PARP8: variants seen among roughly 807,000 people sequenced by gnomAD.
PARP8 encodes protein mono-ADP-ribosyltransferase PARP8.
PARP8 carries 51 observed loss-of-function variants against 124.1 expected under a neutral mutation model. The ratio of observed to expected loss-of-function variants is 0.41; its 90% CI spans 0.33 to 0.52. The LOEUF (loss-of-function observed/expected upper bound fraction) is 0.52. Ranked by LOEUF, PARP8 falls within the 20% of genes least tolerant of loss-of-function variation. The pLI, the probability that PARP8 is intolerant of heterozygous loss-of-function variation, is 0.21. For missense variants in PARP8, 860 were observed against 1,018.9 expected, an observed-to-expected ratio of 0.84 and a Z score of 2.12; for synonymous variants, 391 against 361.5, an observed-to-expected ratio of 1.08 and a Z score of -0.93.
rs532046556 is a variant in PARP8 at position 50,752,744 on chromosome 5, C to T, written c.184+2556C>T. On this transcript the variant is annotated intron_variant, in intron 3 of 25. Coordinates refer to ENST00000281631, the MANE Select transcript of PARP8 (RefSeq NM_024615.4). ...CTTTCTAATAATATACCTTAGGCTT[C>T]CCCTCTGCCTACTTTTCCTGGATTA... 6.6e-5 allele frequency among the ~76,000 whole-genome samples: 10 copies of T among 152,146 alleles called. No homozygotes were observed. The South Asian group carries it at 1.5e-3, about 22-fold the overall frequency.
chr5:50,836,609 T>TG (rs1472703973), intron 25 of PARP8, among the ~76,000 whole-genome samples: 1 of 152,108 alleles, frequency 6.6e-6, no homozygotes, highest in African/African-American at 2.4e-5. Flanking sequence ...GTCAGGCTCC[T>TG]GGGGCAGAAC....
At chr5:50,729,823 CAT>C (rs1756800750) in intron 2 of PARP8, among the ~76,000 whole-genome samples, 1 of 152,096 alleles carries the variant, frequency 6.6e-6, no homozygotes, top group Admixed American at 6.6e-5. Context: ...TAAAAATACT[CAT>C]TGGTTTTAAA....
At chr5:50,820,886 C>T (rs1180930726) in intron 15 of PARP8, among the ~76,000 whole-genome samples, 2 of 152,168 alleles carry the variant, frequency 1.3e-5, no homozygotes, top group South Asian at 2.1e-4. Flanking sequence ...GTATCTTCTC[C>T]CCTAGACTAT....
chr5:50,825,112 C>G, intron 18 of PARP8, 137 bp downstream of exon 18: 1 of 704,652 alleles, frequency 1.4e-6, no homozygotes, highest in Admixed American at 2.7e-5. Context: ...CTTATGAGAC[C>G]TGGTGATTTT....
intron 9 of PARP8, among the ~76,000 whole-genome samples, chr5:50,783,773 C>A (rs572528386): frequency 6.6e-6 from 1 of 152,130 alleles, no homozygotes; most frequent in South Asian, 2.1e-4. Context: ...ATTTCAATTG[C>A]GTGGCTCTAC....
intron 2 of PARP8, among the ~76,000 whole-genome samples, chr5:50,739,407 G>T (rs1757796627): frequency 6.6e-6 from 1 of 151,648 alleles, no homozygotes; most frequent in Admixed American, 6.6e-5. Flanking sequence ...TGGGGGTGGG[G>T]AGGGAGTTGA....
rs955772089 is a variant in PARP8 at position 50,842,991 on chromosome 5, TTATTTACTACA to T, written c.*924_*934del. ...AATTTAAAGAAACCATATATATTTT[TTATTTACTACA>T]AAAAAATTATACAATTTTATTTATG... On this transcript the variant is annotated 3_prime_UTR_variant, in exon 26 of 26. Coordinates refer to ENST00000281631, the MANE Select transcript of PARP8 (RefSeq NM_024615.4). 1 of 151,726 alleles carries T rather than the reference TTATTTACTACA, an allele frequency of 6.6e-6. No individual in the cohort carries two copies. Among genetic ancestry groups the T allele is most frequent in the African/African-American group, 2.4e-5 (1 of 41,384 alleles). 9.4% of individuals were successfully genotyped at this position (151,726 alleles called of 1,614,324 possible). A position where few individuals can be genotyped will look rare whatever the true frequency, so the allele number is the denominator to read the frequency against.
chr5:50,786,937 GT>G (rs938537120), intron 9 of PARP8, among the ~76,000 whole-genome samples: 1 of 151,818 alleles, frequency 6.6e-6, no homozygotes, highest in African/African-American at 2.4e-5. Context: ...CCTTCTTAAC[GT>G]TTCCATTTTA....
intron 2 of PARP8, among the ~76,000 whole-genome samples, chr5:50,676,604 A>G (rs1252994835): frequency 6.6e-6 from 1 of 152,206 alleles, no homozygotes; most frequent in Non-Finnish European, 1.5e-5. Context: ...AAATTCGGTC[A>G]CTTTGACTGC....
chr5:50,811,184 C>A (rs78661143), intron 14 of PARP8, among the ~76,000 whole-genome samples: 38 of 152,108 alleles, frequency 2.5e-4, no homozygotes, highest in Admixed American at 1.3e-3. Flanking sequence ...GTAATCAAAT[C>A]ATAGCTTCAT....
At chr5:50,690,532 C>G (rs1752382064) in intron 2 of PARP8, among the ~76,000 whole-genome samples, 1 of 152,142 alleles carries the variant, frequency 6.6e-6, no homozygotes, top group African/African-American at 2.4e-5. Flanking sequence ...TGAAGTCTTC[C>G]AACTAACCCT....
At chr5:50,811,283 A>G (rs961193506) in intron 14 of PARP8, among the ~76,000 whole-genome samples, 1 of 152,116 alleles carries the variant, frequency 6.6e-6, no homozygotes, top group African/African-American at 2.4e-5. Flanking sequence ...TGGAATATAA[A>G]CAGACCAGGG....
chr5:50,762,621 T>C (rs923596202), intron 6 of PARP8, among the ~76,000 whole-genome samples: 9 of 152,154 alleles, frequency 5.9e-5, no homozygotes, highest in African/African-American at 2.2e-4. Context: ...TGCAAGTAAA[T>C]TTATTTATTC....
In PARP8 at chr5:50,824,967, A is replaced by G; in HGVS notation, c.1920A>G (p.Leu640=). 1.2e-6 allele frequency: 2 copies of G among 1,610,336 alleles called. No homozygotes were observed. Among genetic ancestry groups the G allele is most frequent in the Non-Finnish European group, 8.5e-7 (1 of 1,176,790 alleles). ...AACAGGACCCCCTTGCTCATCCCTT[A>G]CTGCAATGGTATAAAATTCTAGTTT... is the stretch of plus-strand genomic sequence containing the variant. ...MDKQDPLAHP[L]LQWVISSNRS... is the part of the protein sequence containing the mutation. The change falls in exon 18 of 26, where the codon TTA becomes TTG. Residue 640 remains leucine, a synonymous_variant. Transcript: ENST00000281631.
intron 7 of PARP8, among the ~76,000 whole-genome samples, chr5:50,771,161 C>T (rs976633596): frequency 2.7e-5 from 4 of 149,528 alleles, no homozygotes; most frequent in Admixed American, 2.7e-4. Context: ...TATATATATT[C>T]ATTTATTTAT....
chr5:50,785,360 C>G (rs750392971), intron 9 of PARP8, among the ~76,000 whole-genome samples: 1 of 152,106 alleles, frequency 6.6e-6, no homozygotes, highest in Non-Finnish European at 1.5e-5. Flanking sequence ...CCTTCTTTCT[C>G]TCTTTCTACA....
intron 2 of PARP8, among the ~76,000 whole-genome samples, chr5:50,670,827 A>G (rs1749924030): frequency 6.6e-6 from 1 of 152,246 alleles, no homozygotes; most frequent in African/African-American, 2.4e-5. Flanking sequence ...CAGACACTTT[A>G]CCATCAAAAA....
chr5:50,799,440 G>T (rs1314412348), intron 14 of PARP8, among the ~76,000 whole-genome samples: 1 of 152,126 alleles, frequency 6.6e-6, no homozygotes, highest in African/African-American at 2.4e-5. Flanking sequence ...CTGTCCTTAG[G>T]CCAGTACCAC....
chr5:50,788,300 G>GTATACAATATAATGTATAATATATAT (rs1554061884), intron 9 of PARP8, among the ~76,000 whole-genome samples: 12 of 146,596 alleles, frequency 8.2e-5, no homozygotes, highest in African/African-American at 2.8e-4. Flanking sequence ...AATGTATAAT[G>GTATACAATATAATGTATAATATATAT]TATACAATAT....
Sources: gnomAD v4.1 joint callset for allele counts (sites outside exome capture counted in the v4.1 genomes callset) on GRCh38, gnomAD v4.1.1 for gene constraint, MANE v1.5 for transcripts, NCBI Gene and HGNC (gene_info 2026-07-23, HGNC 2026-07-21) for gene names.